The following SYN2 variants were observed in gnomAD, a reference collection of about 807,000 sequenced individuals.
SYN2 encodes the protein synapsin II.
Under a neutral mutation model 50.9 loss-of-function variants are expected in SYN2, and 19 were observed. The observed-to-expected ratio is 0.37, with a 90% confidence interval of 0.26 to 0.55. The LOEUF is 0.55. Ranked by LOEUF, SYN2 falls within the 20% of genes least tolerant of loss-of-function variation. SYN2 has a pLI of 0.81. For synonymous variants in SYN2, 255 were observed against 224.9 expected, an observed-to-expected ratio of 1.13 and a Z score of -1.20; for missense variants, 587 against 576.4, an observed-to-expected ratio of 1.02 and a Z score of -0.19.
At chr3:12,147,866 C>T (rs1023604759) in intron 4 of SYN2, among the ~76,000 whole-genome samples, 1 of 152,124 alleles carries the variant, frequency 6.6e-6, no homozygotes, top group African/African-American at 2.4e-5. Context: ...GTAATCCCAG[C>T]ACTTTGGGAG....
At chr3:12,006,701 C>T (rs1203691713) in intron 1 of SYN2, among the ~76,000 whole-genome samples, 2 of 152,092 alleles carry the variant, frequency 1.3e-5, no homozygotes, top group Non-Finnish European at 2.9e-5. Flanking sequence ...TAACAAGCTC[C>T]CTCTAGGCAG....
chr3:12,071,492 C>T lies in SYN2; in HGVS notation c.377+66564C>T, dbSNP rs111288988. The stretch of plus-strand genomic sequence containing the variant: ...AATAAGCCTTCAAAAAGAAATTGTC[C>T]TTGAAGCTTGTATCTGATATCAGCA... On this transcript the variant is annotated intron_variant, in intron 1 of 12. Coordinates refer to ENST00000621198, the MANE Select transcript of SYN2 (RefSeq NM_133625.6). The T allele has an allele frequency of 3.3e-3, 1,380 of 419,310 alleles. 4 individuals carry two copies. Among genetic ancestry groups the T allele is most frequent in the Admixed American group, 9.5e-3 (351 of 37,126 alleles). 26.0% of individuals were successfully genotyped at this position (419,310 alleles called of 1,614,324 possible).
chr3:12,099,343 T>A (rs1030645139), intron 1 of SYN2, among the ~76,000 whole-genome samples: 3 of 152,150 alleles, frequency 2.0e-5, no homozygotes, highest in Non-Finnish European at 4.4e-5. Flanking sequence ...TTTAAAGGAT[T>A]GAAATCATAC....
At chr3:12,181,577 C>T (rs1345785965) in intron 10 of SYN2, among the ~76,000 whole-genome samples, 5 of 152,202 alleles carry the variant, frequency 3.3e-5, no homozygotes, top group Non-Finnish European at 5.9e-5. Flanking sequence ...GGAGATAGTG[C>T]ACAATAGTGC....
At chr3:12,180,719 T>C (rs1421776564) in intron 10 of SYN2, among the ~76,000 whole-genome samples, 1 of 152,146 alleles carries the variant, frequency 6.6e-6, no homozygotes, top group Non-Finnish European at 1.5e-5. Context: ...CAAAGCATAT[T>C]CCCAGGCTGC....
chr3:12,144,065 T>G (rs531963495), intron 3 of SYN2, among the ~76,000 whole-genome samples: 1 of 152,238 alleles, frequency 6.6e-6, no homozygotes, highest in Admixed American at 6.5e-5. Flanking sequence ...ATGACTCTGC[T>G]GAGGCTTAGT....
chr3:12,042,936 C>T (rs1021594958), intron 1 of SYN2, among the ~76,000 whole-genome samples: 1 of 152,102 alleles, frequency 6.6e-6, no homozygotes, highest in African/African-American at 2.4e-5. Context: ...GGGAACATAG[C>T]CCGGCCAACA....
At chr3:12,100,459 T>G (rs1574940500) in intron 1 of SYN2, among the ~76,000 whole-genome samples, 1 of 152,122 alleles carries the variant, frequency 6.6e-6, no homozygotes, top group East Asian at 1.9e-4. Flanking sequence ...GAACCCTATC[T>G]CATACTATAT....
chr3:12,112,278 T>C (rs919347508), intron 1 of SYN2, among the ~76,000 whole-genome samples: 2 of 152,158 alleles, frequency 1.3e-5, no homozygotes, highest in African/African-American at 4.8e-5. Context: ...CAGCTCTATT[T>C]TCTTTGAGGG....
chr3:12,145,138 A>T (rs1168327881), intron 3 of SYN2, among the ~76,000 whole-genome samples: 3 of 152,174 alleles, frequency 2.0e-5, no homozygotes, highest in Admixed American at 1.3e-4. Flanking sequence ...ACCGTTGCTC[A>T]TGCATGCACT....
Position 12,119,825 on chromosome 3 carries a change from C to G in SYN2, c.378-20826C>G, listed in dbSNP as rs190914029. ...CCTCTCTCCTTCATACCTGCCTTTG[C>G]TGTCTCTATCTGGACCTTCCCTTCA... On this transcript the variant is annotated intron_variant, in intron 1 of 12. Coordinates refer to ENST00000621198, the MANE Select transcript of SYN2 (RefSeq NM_133625.6). Among the ~76,000 whole-genome samples, 12 of 152,282 alleles carry G rather than the reference C, an allele frequency of 7.9e-5. No individual in the cohort carries two copies. The East Asian group carries it at 2.1e-3, about 27-fold the overall frequency.
At chr3:12,015,130 T>C (rs1344574448) in intron 1 of SYN2, among the ~76,000 whole-genome samples, 1 of 152,226 alleles carries the variant, frequency 6.6e-6, no homozygotes, top group Non-Finnish European at 1.5e-5. Context: ...CTACTTGTGC[T>C]TCCTGAAAGG....
chr3:12,102,799 T>C (rs1696105470), intron 1 of SYN2, among the ~76,000 whole-genome samples: 1 of 152,170 alleles, frequency 6.6e-6, no homozygotes. Flanking sequence ...TGCTTAGTTT[T>C]TTGTTAAACC....
At chr3:12,110,598 A>AGATC (rs1383598690) in intron 1 of SYN2, among the ~76,000 whole-genome samples, 16 of 152,262 alleles carry the variant, frequency 1.1e-4, no homozygotes, top group African/African-American at 3.9e-4. Flanking sequence ...AGGCATTTCT[A>AGATC]TACATCCTCC....
intron 1 of SYN2, among the ~76,000 whole-genome samples, chr3:12,082,899 C>T (rs1429463397): frequency 6.6e-6 from 1 of 152,002 alleles, no homozygotes. Context: ...GAGTTTTCTT[C>T]CTAGCTCATA....
chr3:12,126,661 G>C (rs1186329267), intron 1 of SYN2, among the ~76,000 whole-genome samples: 2 of 152,178 alleles, frequency 1.3e-5, no homozygotes, highest in African/African-American at 2.4e-5. Context: ...CTTCCACCCA[G>C]TAGTTGTATG....
intron 1 of SYN2, among the ~76,000 whole-genome samples, chr3:12,105,885 A>G (rs1696176746): frequency 6.6e-6 from 1 of 152,130 alleles, no homozygotes; most frequent in South Asian, 2.1e-4. Context: ...TACAACTCCT[A>G]GAGTGTAACA....
chr3:12,011,192 T>G (rs768804004), intron 1 of SYN2, among the ~76,000 whole-genome samples: 3 of 152,200 alleles, frequency 2.0e-5, no homozygotes, highest in Non-Finnish European at 4.4e-5. Context: ...TCAAAAACAG[T>G]GGGGCACTCA....
At chr3:12,188,619 T>C (rs900749387) in intron 12 of SYN2, among the ~76,000 whole-genome samples, 2 of 152,116 alleles carry the variant, frequency 1.3e-5, no homozygotes, top group Non-Finnish European at 2.9e-5. Flanking sequence ...AAAAATTTTT[T>C]TTTTTCTCAA....
Sources: gnomAD v4.1 joint callset for allele counts (sites outside exome capture counted in the v4.1 genomes callset) on GRCh38, gnomAD v4.1.1 for gene constraint, MANE v1.5 for transcripts, NCBI Gene and HGNC (gene_info 2026-07-23, HGNC 2026-07-21) for gene names.